ANKH: variants seen among roughly 807,000 people sequenced by gnomAD.
The protein encoded by ANKH is mineralization regulator ANKH.
A neutral mutation model predicts 49.0 loss-of-function variants in ANKH; 15 were observed. That is an observed-to-expected ratio of 0.31 (90% CI 0.20 to 0.47). The LOEUF (loss-of-function observed/expected upper bound fraction) is 0.47. ANKH is among the 20% of genes least tolerant of loss of function. The pLI is 1.00. For missense variants in ANKH, 429 were observed against 652.0 expected (o/e 0.66, Z 3.72); for synonymous variants, 273 against 260.0 (o/e 1.05, Z -0.48).
chr5:14,768,237 A>G (rs951282889), intron 2 of ANKH: 8 of 152,432 alleles, frequency 5.2e-5, no homozygotes, highest in African/African-American at 1.9e-4. Context: ...AAGGTACACA[A>G]TGGGTTTATG....
At chr5:14,755,829 G>A in intron 4 of ANKH, 32 bp downstream of exon 4, 2 of 1,592,834 alleles carry the variant, frequency 1.3e-6, no homozygotes, top group East Asian at 2.2e-5. Context: ...GGGACTCTGA[G>A]GAGCTCTGAT....
intron 4 of ANKH, 90 bp downstream of exon 4, chr5:14,755,771 T>C: frequency 6.5e-6 from 8 of 1,226,618 alleles, no homozygotes; most frequent in South Asian, 1.2e-5. Context: ...CAGAGTGTAC[T>C]GCACAGTGAA....
chr5:14,759,770 A>T (rs1739014341), intron 2 of ANKH, among the ~76,000 whole-genome samples: 1 of 142,640 alleles, frequency 7.0e-6, no homozygotes, highest in Non-Finnish European at 1.5e-5. Flanking sequence ...AAGAAAGAAA[A>T]GAAAAAAGAA....
intron 1 of ANKH, among the ~76,000 whole-genome samples, chr5:14,859,206 A>G (rs1289953854): frequency 1.3e-5 from 2 of 152,096 alleles, no homozygotes; most frequent in Non-Finnish European, 2.9e-5. Context: ...CTACTATTCT[A>G]CCTTCTATCT....
At chr5:14,786,883 C>G (rs951166945) in intron 1 of ANKH, among the ~76,000 whole-genome samples, 3 of 152,200 alleles carry the variant, frequency 2.0e-5, no homozygotes, top group Non-Finnish European at 4.4e-5. Context: ...TGAAAGCGTT[C>G]TTTGTCATGA....
At chr5:14,712,602 G>A (rs961028425) in intron 11 of ANKH, among the ~76,000 whole-genome samples, 8 of 152,198 alleles carry the variant, frequency 5.3e-5, no homozygotes, top group African/African-American at 1.7e-4. Context: ...CCCCATCTAC[G>A]CTGGCTTTCT....
chr5:14,759,567 TA>T (rs1739006136), intron 2 of ANKH, among the ~76,000 whole-genome samples: 1 of 151,418 alleles, frequency 6.6e-6, no homozygotes. Context: ...CTGGGCAACA[TA>T]GTGAGACTCT....
At chr5:14,838,234 C>T (rs1741713596) in intron 1 of ANKH, among the ~76,000 whole-genome samples, 1 of 152,036 alleles carries the variant, frequency 6.6e-6, no homozygotes, top group Admixed American at 6.6e-5. Context: ...GCACGTTGTG[C>T]ACATGTACCC....
rs1738504526 is a variant in ANKH at position 14,745,496 on chromosome 5, T to A, written c.915+374A>T. Reference sequence around the variant, plus strand: ...CCACGCACGGCTTCCTGCCTACACCTTAGCCATCTGGTATGGGGTCAGCAA... The same window carrying A: ...CCACGCACGGCTTCCTGCCTACACCATAGCCATCTGGTATGGGGTCAGCAA... On this transcript the variant is annotated intron_variant, in intron 7 of 11. Coordinates refer to ENST00000284268, the MANE Select transcript of ANKH (RefSeq NM_054027.6). The surrounding 1 kb of genome is among the most constrained non-coding windows in gnomAD (Gnocchi z 4.7). 6.6e-6 allele frequency among the ~76,000 whole-genome samples: 1 copy of A among 152,102 alleles called. No individual in the cohort carries two copies. The highest frequency in any genetic ancestry group is 1.5e-5 in the Non-Finnish European group (1 of 68,024).
At chr5:14,728,245 G>A (rs779361810) in intron 8 of ANKH, among the ~76,000 whole-genome samples, 16 of 152,222 alleles carry the variant, frequency 1.1e-4, no homozygotes, top group South Asian at 6.2e-4. Flanking sequence ...AGGACACAGG[G>A]CCTACAGGGA....
chr5:14,797,343 T>C (rs1740421142), intron 1 of ANKH: 1 of 1,606,678 alleles, frequency 6.2e-7, no homozygotes, highest in Non-Finnish European at 8.5e-7. Context: ...TGGGGATTGT[T>C]CCTCTCCAAT....
intron 8 of ANKH, chr5:14,717,075 T>A (rs1329306140): frequency 2.0e-6 from 1 of 493,816 alleles, no homozygotes; most frequent in African/African-American, 1.9e-5. Flanking sequence ...CAGATGTGGC[T>A]CCTCCAAGAG....
intron 1 of ANKH, chr5:14,797,383 G>T (rs1018286700): frequency 1.2e-6 from 2 of 1,610,766 alleles, no homozygotes; most frequent in African/African-American, 2.7e-5. Context: ...TTCGGTCTGT[G>T]ATCAGTACCA....
chr5:14,813,592 G>A (rs554624251), intron 1 of ANKH, among the ~76,000 whole-genome samples: 2 of 152,178 alleles, frequency 1.3e-5, no homozygotes, highest in South Asian at 2.1e-4. Flanking sequence ...CTGTACTGAC[G>A]TGTGCCACAG....
chr5:14,798,955 C>T (rs1186440355), intron 1 of ANKH, among the ~76,000 whole-genome samples: 1 of 152,206 alleles, frequency 6.6e-6, no homozygotes, highest in African/African-American at 2.4e-5. Flanking sequence ...GCTACCAGCT[C>T]AGGCCAAGAA....
chr5:14,740,408 C>G (rs1398036869), intron 8 of ANKH, among the ~76,000 whole-genome samples: 1 of 152,202 alleles, frequency 6.6e-6, no homozygotes, highest in African/African-American at 2.4e-5. Context: ...AGAGAGAAAT[C>G]ATGCTAACAG....
intron 8 of ANKH, among the ~76,000 whole-genome samples, chr5:14,727,596 TTTC>T (rs571087651): frequency 1.3e-3 from 201 of 152,242 alleles, no homozygotes; most frequent in Non-Finnish European, 2.2e-3. Context: ...GCTTTAATCC[TTTC>T]CTGGTTTTTC....
At chr5:14,756,296 T>C (rs1163438278) in intron 3 of ANKH, among the ~76,000 whole-genome samples, 1 of 152,224 alleles carries the variant, frequency 6.6e-6, no homozygotes, top group Non-Finnish European at 1.5e-5. Context: ...CAAAGTAGCA[T>C]CCTTCCCACG....
intron 5 of ANKH, among the ~76,000 whole-genome samples, 154 bp downstream of exon 5, chr5:14,750,915 T>C (rs1580034847): frequency 6.6e-6 from 1 of 152,334 alleles, no homozygotes; most frequent in East Asian, 1.9e-4. Context: ...CCAACTGTCT[T>C]TCCCTGCAGA....
Sources: allele counts gnomAD v4.1 joint callset (sites outside exome capture counted in the v4.1 genomes callset), GRCh38; gene constraint gnomAD v4.1.1; non-coding constraint Gnocchi (gnomAD v3.1); transcripts MANE v1.5; gene names NCBI Gene and HGNC (gene_info 2026-07-23, HGNC 2026-07-21).